The following CD46 variants were observed in gnomAD, a reference collection of about 807,000 sequenced individuals.
The protein encoded by CD46 is membrane cofactor protein.
In CD46, 30 loss-of-function variants were observed where a neutral mutation model predicts 53.3. That is an observed-to-expected ratio of 0.56 (90% CI 0.42 to 0.76). The LOEUF (loss-of-function observed/expected upper bound fraction) is 0.76. Ranked by LOEUF, CD46 falls within the 30% of genes least tolerant of loss-of-function variation. The pLI, the probability that CD46 is intolerant of heterozygous loss-of-function variation, is 0.00. For synonymous variants in CD46, 142 were observed against 152.0 expected, an observed-to-expected ratio of 0.93 and a Z score of 0.48; for missense variants, 409 against 463.0, an observed-to-expected ratio of 0.88 and a Z score of 1.07.
chr1:207,786,816 T>C (rs953439950), intron 11 of CD46, among the ~76,000 whole-genome samples: 1 of 152,200 alleles, frequency 6.6e-6, no homozygotes. Flanking sequence ...GAACACGATA[T>C]GCATATTTGA....
At chr1:207,753,686 C>CAA (rs796895934) in intron 1 of CD46, among the ~76,000 whole-genome samples, 2 of 146,966 alleles carry the variant, frequency 1.4e-5, no homozygotes, top group African/African-American at 5.0e-5. Flanking sequence ...AACAAACAAA[C>CAA]AAAAAAAAAA....
intron 1 of CD46, among the ~76,000 whole-genome samples, chr1:207,755,482 A>G (rs955013481): frequency 6.6e-6 from 1 of 152,238 alleles, no homozygotes; most frequent in African/African-American, 2.4e-5. Flanking sequence ...TGCCCTCTCA[A>G]AGGTAGTTGC....
intron 12 of CD46, 66 bp from the exon 13 acceptor site, chr1:207,793,453 C>T (rs1172807602): frequency 8.1e-7 from 1 of 1,242,192 alleles, no homozygotes; most frequent in African/African-American, 1.5e-5. Context: ...GAATAGGCTT[C>T]TGGAATTTAA....
Position 207,757,532 on chromosome 1 carries a change from T to C in CD46, c.287-8T>C. 3 of 1,556,536 alleles carry C rather than the reference T, an allele frequency of 1.9e-6. No individual in the cohort carries two copies. Among genetic ancestry groups the C allele is most frequent in the Admixed American group, 1.7e-5 (1 of 58,674 alleles). On this transcript the variant is annotated splice_region_variant and splice_polypyrimidine_tract_variant and intron_variant, in intron 2 of 12. Coordinates refer to ENST00000367042, the MANE Select transcript of CD46 (RefSeq NM_172351.3). ...GGATTGAAAACTATCAAAATTATTT[T>C]CTTTCAGGAGAAACATGTCCATATA...
chr1:207,776,931 C>T (rs1042038207), intron 8 of CD46, among the ~76,000 whole-genome samples: 14 of 152,178 alleles, frequency 9.2e-5, no homozygotes, highest in Admixed American at 1.3e-4. Flanking sequence ...CCACCATGCC[C>T]GGCCAATTTA....
chr1:207,761,282 A>G lies in CD46; in HGVS notation c.509A>G (p.Asn170Ser), dbSNP rs1427846428. Residue 170 changes from asparagine (N) to serine (S), a missense_variant, in exon 5 of 13, where the codon AAT (asparagine) becomes AGT (serine). Transcript: ENST00000367042. ...TGTACACCACCTCCAAAAATAAAAAATGGAAAACACACCTTTAGTGAAGTA... is the reference window on the plus strand; with the variant it reads ...TGTACACCACCTCCAAAAATAAAAAGTGGAAAACACACCTTTAGTGAAGTA... ...VLCTPPPKIK[N>S]GKHTFSEVEV... 3.1e-6 allele frequency: 5 copies of G among 1,612,848 alleles called. No homozygotes were observed. The African/African-American group carries it at 6.7e-5, about 22-fold the overall frequency.
intron 1 of CD46, among the ~76,000 whole-genome samples, chr1:207,754,254 A>G (rs41316825): frequency 1.2e-3 from 183 of 152,328 alleles, no homozygotes; most frequent in Non-Finnish European, 2.2e-3. Flanking sequence ...ACTTTGGGGC[A>G]TCTGTGCTTG....
In CD46 at chr1:207,795,349, G is replaced by A. The variant is rs1453654632; in HGVS notation, c.*1872G>A. On this transcript the variant is annotated 3_prime_UTR_variant, in exon 13 of 13. Coordinates refer to ENST00000367042, the MANE Select transcript of CD46 (RefSeq NM_172351.3). ...AGAGACCAGTTTTCTCTGGAAGTTTGTTTAAATGACAGAAGCGTATATGAA... is the reference window on the plus strand; with the variant it reads ...AGAGACCAGTTTTCTCTGGAAGTTTATTTAAATGACAGAAGCGTATATGAA... The A allele has an allele frequency of 2.6e-5, 4 of 152,146 alleles. No individual in the cohort carries two copies. The allele number at this position is 152,146 out of a possible 1,614,324, so 9.4% of individuals were successfully genotyped here. A position where few individuals can be genotyped will look rare whatever the true frequency, so the allele number is the denominator to read the frequency against.
chr1:207,780,602 A>G (rs1658639606), intron 8 of CD46, among the ~76,000 whole-genome samples: 1 of 152,086 alleles, frequency 6.6e-6, no homozygotes, highest in South Asian at 2.1e-4. Context: ...AGGGAATTCT[A>G]TTTTTAATAT....
In CD46 at chr1:207,793,532, G is replaced by C. The variant is rs568096610; in HGVS notation, c.*55G>C. ...CTTGGTTTGCAGGAAAGCAGATGGT[G>C]GAGCTGAATATGCCACTTACCAGAC... On this transcript the variant is annotated 3_prime_UTR_variant, in exon 13 of 13. Transcript: ENST00000367042. 1.9e-6 allele frequency: 3 copies of C among 1,613,506 alleles called. No homozygotes were observed. Among genetic ancestry groups the C allele is most frequent in the Non-Finnish European group, 2.5e-6 (3 of 1,179,430 alleles).
At chr1:207,767,950 A>G (rs561781441) in intron 7 of CD46, 127 bp downstream of exon 7, 128 of 776,606 alleles carry the variant, frequency 1.6e-4, no homozygotes, top group African/African-American at 1.6e-3. Context: ...GGACATTTGT[A>G]TAGCCATTTT....
At chr1:207,788,826 A>C (rs1026681227) in intron 11 of CD46, among the ~76,000 whole-genome samples, 1 of 152,254 alleles carries the variant, frequency 6.6e-6, no homozygotes, top group African/African-American at 2.4e-5. Context: ...TAGTGTAAGG[A>C]GTCATTTTAA....
intron 8 of CD46, among the ~76,000 whole-genome samples, chr1:207,775,783 C>T (rs1236102659): frequency 6.6e-6 from 1 of 152,188 alleles, no homozygotes; most frequent in South Asian, 2.1e-4. Context: ...GTTTGTCGGC[C>T]GCTACTGGGA....
chr1:207,785,447 T>C (rs944967558), intron 10 of CD46, among the ~76,000 whole-genome samples, 172 bp from the exon 11 acceptor site: 3 of 152,202 alleles, frequency 2.0e-5, no homozygotes, highest in Admixed American at 6.5e-5. Context: ...TGTAAGTGAT[T>C]ATGGGGAGTT....
chr1:207,773,746 A>T (rs1158164840), intron 8 of CD46, among the ~76,000 whole-genome samples: 1 of 152,118 alleles, frequency 6.6e-6, no homozygotes, highest in Non-Finnish European at 1.5e-5. Context: ...GTGGTCTGAG[A>T]GACAGTTTGT....
At chr1:207,769,212 C>G (rs892553549) in intron 7 of CD46, 8 of 152,334 alleles carry the variant, frequency 5.3e-5, no homozygotes, top group African/African-American at 1.9e-4. Flanking sequence ...GAGCCAAGAT[C>G]ATGCCACTGC....
chr1:207,775,821 GT>G (rs1658038988), intron 8 of CD46, among the ~76,000 whole-genome samples: 1 of 152,180 alleles, frequency 6.6e-6, no homozygotes, highest in Admixed American at 6.5e-5. Context: ...CTACATGGGT[GT>G]CAGGGACCCA....
chr1:207,781,374 A>C (rs1658719244), intron 8 of CD46, among the ~76,000 whole-genome samples: 1 of 151,928 alleles, frequency 6.6e-6, no homozygotes, highest in Non-Finnish European at 1.5e-5. Context: ...ATTTCCTCTC[A>C]TTCTGTGGGT....
chr1:207,766,663 A>G (rs41317811), intron 5 of CD46, among the ~76,000 whole-genome samples: 2,001 of 152,250 alleles, frequency 0.013, 45 homozygotes, highest in African/African-American at 0.046. Flanking sequence ...GTAGTTTGGT[A>G]AAAACTACCA....
Sources: allele counts gnomAD v4.1 joint callset (sites outside exome capture counted in the v4.1 genomes callset), GRCh38; gene constraint gnomAD v4.1.1; transcripts MANE v1.5; gene names NCBI Gene and HGNC (gene_info 2026-07-23, HGNC 2026-07-21).